The following AGFG1 variants were observed in gnomAD, a reference collection of about 807,000 sequenced individuals.
AGFG1 encodes the protein arf-GAP domain and FG repeat-containing protein 1.
Under a neutral mutation model 60.6 loss-of-function variants are expected in AGFG1, and 10 were observed. The observed-to-expected ratio is 0.16, with a 90% CI of 0.10 to 0.28. The LOEUF is 0.28. Among genes scored for constraint, AGFG1 ranks in the 10% least tolerant of loss-of-function variants. AGFG1 has a pLI of 1.00. For synonymous variants in AGFG1, 247 were observed against 242.9 expected (o/e 1.02, Z -0.16); for missense variants, 537 against 676.5 (o/e 0.79, Z 2.29).
At chr2:227,510,303 A>G (rs1038230224) in intron 2 of AGFG1, among the ~76,000 whole-genome samples, 2 of 152,098 alleles carry the variant, frequency 1.3e-5, no homozygotes, top group African/African-American at 2.4e-5. Context: ...TGTACCAGGA[A>G]TGGACACCTA....
intron 1 of AGFG1, among the ~76,000 whole-genome samples, chr2:227,480,591 CTT>C (rs11350446): frequency 1.4e-3 from 204 of 145,682 alleles, no homozygotes; most frequent in Admixed American, 1.6e-3. Flanking sequence ...GCATCAGCTA[CTT>C]TTTTTTTTTT....
intron 2 of AGFG1, among the ~76,000 whole-genome samples, chr2:227,517,904 G>C (rs1204360635): frequency 1.3e-5 from 2 of 152,170 alleles, no homozygotes; most frequent in Non-Finnish European, 2.9e-5. Flanking sequence ...AATTTGATGA[G>C]TTTTGACATT....
chr2:227,527,363 G>A (rs553895796), intron 5 of AGFG1, among the ~76,000 whole-genome samples: 90 of 152,002 alleles, frequency 5.9e-4, no homozygotes, highest in Admixed American at 1.6e-3. Flanking sequence ...ATGTACATAC[G>A]TATACACATA....
intron 5 of AGFG1, among the ~76,000 whole-genome samples, chr2:227,526,525 A>G (rs943274753): frequency 7.0e-6 from 1 of 141,994 alleles, no homozygotes; most frequent in Non-Finnish European, 1.5e-5. Flanking sequence ...GGCATGAGCC[A>G]CTGTGCCCAG....
chr2:227,513,232 G>A (rs1438933797), intron 2 of AGFG1, among the ~76,000 whole-genome samples: 1 of 152,152 alleles, frequency 6.6e-6, no homozygotes, highest in African/African-American at 2.4e-5. Context: ...TGCTAGCCCT[G>A]TATATATTTA....
intron 11 of AGFG1, among the ~76,000 whole-genome samples, chr2:227,553,211 C>A (rs1247008410): frequency 6.6e-6 from 1 of 151,786 alleles, no homozygotes; most frequent in African/African-American, 2.4e-5. Flanking sequence ...AATGAAAGTT[C>A]TCTTGGCCAG....
At chr2:227,526,399 ATAC>A (rs1691994118) in intron 5 of AGFG1, among the ~76,000 whole-genome samples, 1 of 142,784 alleles carries the variant, frequency 7.0e-6, no homozygotes, top group Non-Finnish European at 1.5e-5. Flanking sequence ...GTAATACAAA[ATAC>A]TAATTTTTTA....
chr2:227,507,964 A>G (rs1183577381), intron 2 of AGFG1, among the ~76,000 whole-genome samples: 1 of 149,806 alleles, frequency 6.7e-6, no homozygotes, highest in Non-Finnish European at 1.5e-5. Context: ...ACTTCTGCAA[A>G]TCTTGTTTTT....
chr2:227,534,747 T>A (rs1692258877), intron 7 of AGFG1, 98 bp from the exon 8 acceptor site: 1 of 1,283,426 alleles, frequency 7.8e-7, no homozygotes, highest in Non-Finnish European at 1.1e-6. Context: ...TAACTCTAAA[T>A]CCATTTTAAG....
At position 227,533,611 on chromosome 2, in the gene AGFG1, A is replaced by C. The variant is rs1280265959; in HGVS notation, c.877A>C (p.Ser293Arg). Residue 293 changes from serine to arginine, a missense_variant, in exon 7 of 13, where the codon AGT (serine) becomes CGT (arginine). Transcript: ENST00000310078. ...AHFDNFPKSS[S>R]ADFGTFNTSQ... ...TTTTGATAACTTCCCCAAATCCTCC[A>C]GTGCTGATTTTGGAACCTTCAATAC... The C allele has an allele frequency of 6.2e-7, 1 of 1,613,724 alleles. No homozygotes were observed. The highest frequency in any genetic ancestry group is 2.2e-5 in the East Asian group (1 of 44,864).
intron 10 of AGFG1, among the ~76,000 whole-genome samples, chr2:227,540,874 T>A (rs1454113366): frequency 6.6e-6 from 1 of 152,206 alleles, no homozygotes; most frequent in Non-Finnish European, 1.5e-5. Context: ...CCTGACTTTT[T>A]AATGATCACC....
chr2:227,534,058 A>G (rs918244013), intron 7 of AGFG1, among the ~76,000 whole-genome samples: 3 of 152,008 alleles, frequency 2.0e-5, no homozygotes, highest in Non-Finnish European at 2.9e-5. Flanking sequence ...AAGAAACCCC[A>G]TTGGCAGAGC....
At chr2:227,525,299 T>TAGTA (rs1691959611) in intron 5 of AGFG1, among the ~76,000 whole-genome samples, 1 of 152,214 alleles carries the variant, frequency 6.6e-6, no homozygotes, top group South Asian at 2.1e-4. Context: ...ATTTTAGACA[T>TAGTA]AGTATTAGTT....
At chr2:227,484,688 GTTTTTTTTTTTTTTTTTTTTT>G (rs745570416) in intron 1 of AGFG1, among the ~76,000 whole-genome samples, 2 of 25,092 alleles carry the variant, frequency 8.0e-5, no homozygotes, top group Non-Finnish European at 1.6e-4. Context: ...TTTTTTTTTT[GTTTTTTTTTTTTTTTTTTTTT>G]TTTTTTTTTT....
intron 10 of AGFG1, among the ~76,000 whole-genome samples, chr2:227,541,953 T>A (rs1383830101): frequency 7.9e-5 from 12 of 152,200 alleles, no homozygotes; most frequent in African/African-American, 2.7e-4. Flanking sequence ...ATTCTCTTTG[T>A]AGCAATTGTG....
chr2:227,482,640 C>T (rs979270285), intron 1 of AGFG1, among the ~76,000 whole-genome samples: 1 of 152,176 alleles, frequency 6.6e-6, no homozygotes, highest in South Asian at 2.1e-4. Context: ...CAGCTTCTCC[C>T]ACAGCAGGAG....
At chr2:227,534,645 T>C (rs1331227805) in intron 7 of AGFG1, among the ~76,000 whole-genome samples, 200 bp from the exon 8 acceptor site, 1 of 152,204 alleles carries the variant, frequency 6.6e-6, no homozygotes, top group Non-Finnish European at 1.5e-5. Flanking sequence ...TTAAGAGACA[T>C]ATTCTGTCTT....
At chr2:227,530,684 G>T (rs1021600956) in intron 5 of AGFG1, among the ~76,000 whole-genome samples, 7 of 24,822 alleles carry the variant, frequency 2.8e-4, no homozygotes, top group Admixed American at 5.1e-4. Flanking sequence ...TTATTATTCA[G>T]ATTCACATAG....
chr2:227,552,118 G>T lies in AGFG1; in HGVS notation c.1537+1G>T. 6.2e-7 allele frequency: 1 copy of T among 1,614,068 alleles called. No homozygotes were observed. Among genetic ancestry groups the T allele is most frequent in the Non-Finnish European group, 8.5e-7 (1 of 1,179,986 alleles). ...ACAGCTTTTTCTCAACAGCCCAATG[G>T]TAAGATCTAACATTTGGCGAGCTGT... On this transcript the variant is annotated splice_donor_variant, in intron 11 of 12. Coordinates refer to ENST00000310078, the MANE Select transcript of AGFG1 (RefSeq NM_004504.5). LOFTEE classifies it high-confidence loss of function.
Sources: gnomAD v4.1 joint callset for allele counts (sites outside exome capture counted in the v4.1 genomes callset) on GRCh38, gnomAD v4.1.1 for gene constraint, MANE v1.5 for transcripts, NCBI Gene and HGNC (gene_info 2026-07-23, HGNC 2026-07-21) for gene names.